The following IL34 variants were observed in gnomAD, a reference collection of about 807,000 sequenced individuals.
The protein encoded by IL34 is interleukin-34.
In IL34, 17 loss-of-function variants were observed where a neutral mutation model predicts 25.3. The ratio of observed to expected loss-of-function variants is 0.67; its 90% CI spans 0.46 to 1.01. IL34 has a LOEUF of 1.01. IL34 is among the 50% of genes least tolerant of loss of function. The pLI is 0.00. For synonymous variants in IL34, 174 were observed against 140.9 expected, an observed-to-expected ratio of 1.23 and a Z score of -1.66; for missense variants, 368 against 312.9, an observed-to-expected ratio of 1.18 and a Z score of -1.33.
intron 1 of IL34, among the ~76,000 whole-genome samples, chr16:70,604,899 T>G (rs2050977472): frequency 6.6e-6 from 1 of 152,096 alleles, no homozygotes; most frequent in Non-Finnish European, 1.5e-5. Flanking sequence ...GGGGTTTGTG[T>G]GCATGCATGT....
intron 1 of IL34, among the ~76,000 whole-genome samples, chr16:70,640,625 A>G (rs1018181506): frequency 4.7e-5 from 5 of 105,612 alleles, no homozygotes; most frequent in Non-Finnish European, 8.8e-5. Context: ...CTCCGTCTCA[A>G]TAAAAAAAAA....
chr16:70,655,076 C>T (rs758938044), intron 2 of IL34, among the ~76,000 whole-genome samples: 8 of 149,444 alleles, frequency 5.4e-5, no homozygotes, highest in South Asian at 2.1e-4. Context: ...TTTTTTGAGA[C>T]GGAGTCTTGG....
chr16:70,654,535 C>T lies in IL34; in HGVS notation c.29-3C>T, dbSNP rs2052163309. 3 of 1,606,442 alleles carry T rather than the reference C, an allele frequency of 1.9e-6. No individual in the cohort carries two copies. Among genetic ancestry groups the T allele is most frequent in the East Asian group, 2.2e-5 (1 of 44,606 alleles). The stretch of plus-strand genomic sequence containing the variant: ...ATGTGCTCTTGTCGGGTGTGGTCCA[C>T]AGATCTTGGGATCTTCCTTGGCGTG... On this transcript the variant is annotated splice_polypyrimidine_tract_variant and splice_region_variant and intron_variant, in intron 1 of 5. Transcript: ENST00000288098.
At chr16:70,610,953 T>C (rs960791534) in intron 1 of IL34, among the ~76,000 whole-genome samples, 1 of 142,354 alleles carries the variant, frequency 7.0e-6, no homozygotes, top group Non-Finnish European at 1.5e-5. Flanking sequence ...TTTGTGATTT[T>C]GGGGGCTTCT....
chr16:70,640,124 C>T (rs889855533), intron 1 of IL34, among the ~76,000 whole-genome samples: 1 of 151,932 alleles, frequency 6.6e-6, no homozygotes, highest in African/African-American at 2.4e-5. Context: ...ATTGTATGTG[C>T]TAGACTTTTT....
intron 4 of IL34, 44 bp downstream of exon 4, chr16:70,657,165 A>C: frequency 1.3e-6 from 2 of 1,588,484 alleles, no homozygotes; most frequent in Non-Finnish European, 1.7e-6. Flanking sequence ...GTGTGTGTGC[A>C]CACGTGTGTA....
intron 1 of IL34, among the ~76,000 whole-genome samples, chr16:70,599,304 C>CTTTCTTTTCTTTCTTTCTTTCTTTCTTT (rs372428379): frequency 2.4e-5 from 3 of 125,960 alleles, no homozygotes; most frequent in African/African-American, 9.3e-5. Context: ...TTCTTTCTTT[C>CTTTCTTTTCTTTCTTTCTTTCTTTCTTT]CTTCTTTCTT....
At chr16:70,600,112 A>T (rs1165364444) in intron 1 of IL34, among the ~76,000 whole-genome samples, 1 of 152,100 alleles carries the variant, frequency 6.6e-6, no homozygotes, top group Non-Finnish European at 1.5e-5. Context: ...AGTGTCTGCT[A>T]TGTGAGCTTC....
At position 70,612,415 on chromosome 16, in the gene IL34, C is replaced by T. The variant is rs1025229184; in HGVS notation, c.-401+32366C>T. Reference sequence around the variant, plus strand: ...GGAATACGGTGCAGAGGCCAAGGCCCAAGCTGTGGTTCATCCAAGGCTGTG... The same window carrying T: ...GGAATACGGTGCAGAGGCCAAGGCCTAAGCTGTGGTTCATCCAAGGCTGTG... On this transcript the variant is annotated intron_variant, in intron 1 of 6. Coordinates refer to the IL34 transcript ENST00000429149. 5.3e-5 allele frequency among the ~76,000 whole-genome samples: 8 copies of T among 152,224 alleles called. No individual in the cohort carries two copies. The East Asian group carries it at 1.5e-3, about 29-fold the overall frequency.
In IL34 at chr16:70,635,502, T is replaced by G. The variant is rs367690577; in HGVS notation, c.-400-11046T>G. Among the ~76,000 whole-genome samples, 34 of 152,300 alleles carry G rather than the reference T, an allele frequency of 2.2e-4. No individual in the cohort carries two copies. The South Asian group carries it at 6.6e-3, about 30-fold the overall frequency. On this transcript the variant is annotated intron_variant, in intron 1 of 6. Transcript: ENST00000429149. ...CTGTTCTTGTGCTCTTGAGTCCCCTTGCTAGTCACAGGTCAGAGGTTGGAG... is the reference window on the plus strand; with the variant it reads ...CTGTTCTTGTGCTCTTGAGTCCCCTGGCTAGTCACAGGTCAGAGGTTGGAG...
intron 1 of IL34, among the ~76,000 whole-genome samples, chr16:70,581,324 C>T (rs776887509): frequency 9.2e-5 from 14 of 152,092 alleles, no homozygotes; most frequent in Non-Finnish European, 1.9e-4. Context: ...AGCCTCTGTC[C>T]GCTGATGAAG....
At chr16:70,604,508 C>T (rs538999537) in intron 1 of IL34, among the ~76,000 whole-genome samples, 105 of 152,306 alleles carry the variant, frequency 6.9e-4, no homozygotes, top group Non-Finnish European at 1.3e-3. Flanking sequence ...GGGTGTCTGC[C>T]TAAGTCCCCA....
chr16:70,581,182 G>A (rs2050632397), intron 1 of IL34, among the ~76,000 whole-genome samples: 1 of 152,132 alleles, frequency 6.6e-6, no homozygotes, highest in African/African-American at 2.4e-5. Context: ...AAAGTGCTGG[G>A]ATTACAGGCG....
At chr16:70,610,441 C>G (rs2051074243) in intron 1 of IL34, among the ~76,000 whole-genome samples, 1 of 152,192 alleles carries the variant, frequency 6.6e-6, no homozygotes, top group South Asian at 2.1e-4. Flanking sequence ...ATTCACTCAG[C>G]TATGATTTGC....
At chr16:70,649,102 G>A (rs954056853) in intron 1 of IL34, among the ~76,000 whole-genome samples, 7 of 152,130 alleles carry the variant, frequency 4.6e-5, no homozygotes, top group Non-Finnish European at 1.0e-4. Context: ...CAGGACAGGC[G>A]AGCCCCCAAG....
chr16:70,616,196 T>A (rs544993097), intron 1 of IL34, among the ~76,000 whole-genome samples: 19 of 152,336 alleles, frequency 1.2e-4, no homozygotes, highest in Admixed American at 3.9e-4. Context: ...ATACTGTATA[T>A]GCAGGATAAA....
chr16:70,604,728 T>A (rs1264529953), intron 1 of IL34, among the ~76,000 whole-genome samples: 4 of 152,338 alleles, frequency 2.6e-5, no homozygotes, highest in South Asian at 4.1e-4. Flanking sequence ...CAAAGTCCGA[T>A]AAGGAGCTCC....
intron 1 of IL34, among the ~76,000 whole-genome samples, chr16:70,625,145 A>C (rs901869698): frequency 1.3e-5 from 2 of 152,060 alleles, no homozygotes; most frequent in African/African-American, 4.8e-5. Context: ...GAAGAAAATA[A>C]GGCGTTTAGG....
chr16:70,635,651 C>G (rs938943301), intron 1 of IL34, among the ~76,000 whole-genome samples: 1 of 152,166 alleles, frequency 6.6e-6, no homozygotes, highest in African/African-American at 2.4e-5. Context: ...TCTTTCTTGC[C>G]TTCTTTCACA....
Sources: allele counts gnomAD v4.1 joint callset (sites outside exome capture counted in the v4.1 genomes callset), GRCh38; gene constraint gnomAD v4.1.1; transcripts MANE v1.5; gene names NCBI Gene and HGNC (gene_info 2026-07-23, HGNC 2026-07-21).